CIROZ: variants seen among roughly 807,000 people sequenced by gnomAD.
CIROZ encodes ciliated left-right organizer ZP-N domains-containing protein.
chr1:10,964,217 C>G, the CIROZ span: 1 of 1,614,222 alleles, frequency 6.2e-7, no homozygotes. Context: ...TCACTCCGCT[C>G]CAACCCCATC....
chr1:10,951,745 A>AAAAAATATATATATATATATATATATAT, the CIROZ span, among the ~76,000 whole-genome samples: 13 of 119,176 alleles, frequency 1.1e-4, no homozygotes, highest in African/African-American at 4.6e-4. Context: ...AAAAAAAAAA[A>AAAAAATATATATATATATATATATATAT]ATATATATAT....
the CIROZ span, among the ~76,000 whole-genome samples, chr1:10,964,621 T>A: frequency 1.3e-5 from 2 of 152,206 alleles, no homozygotes; most frequent in South Asian, 4.1e-4. Flanking sequence ...CACCAGTGTC[T>A]CATAAGGCTG....
chr1:10,957,895 C>T, the CIROZ span: 11 of 944,252 alleles, frequency 1.2e-5, no homozygotes, highest in Non-Finnish European at 1.6e-5. Flanking sequence ...GGCAGGACGG[C>T]AGGCCACTCT....
chr1:10,956,759 G>A, the CIROZ span, among the ~76,000 whole-genome samples: 1 of 151,994 alleles, frequency 6.6e-6, no homozygotes, highest in African/African-American at 2.4e-5. Context: ...TTACAGGCGT[G>A]AGCCACCGCG....
the CIROZ span, chr1:10,955,180 A>G: frequency 2.5e-6 from 4 of 1,602,386 alleles, no homozygotes; most frequent in Non-Finnish European, 3.4e-6. Context: ...CTCTGGCTGG[A>G]ATGACACTGG....
the CIROZ span, among the ~76,000 whole-genome samples, chr1:10,970,804 C>CTT: frequency 2.2e-4 from 33 of 151,066 alleles, no homozygotes; most frequent in African/African-American, 7.8e-4. Context: ...AATCTAAACT[C>CTT]TATGTTTTAT....
chr1:10,968,927 C>T, the CIROZ span, among the ~76,000 whole-genome samples: 2 of 152,222 alleles, frequency 1.3e-5, no homozygotes, highest in Non-Finnish European at 2.9e-5. Flanking sequence ...GACTATTAAT[C>T]TATTGTTTTC....
the CIROZ span, chr1:10,949,551 G>T: frequency 6.6e-7 from 1 of 1,519,548 alleles, no homozygotes; most frequent in Non-Finnish European, 8.9e-7. Context: ...GGCCCAGCTG[G>T]GTCTACCGAT....
the CIROZ span, chr1:10,957,118 AG>A: frequency 2.8e-5 from 44 of 1,547,496 alleles, no homozygotes; most frequent in African/African-American, 5.2e-4. Flanking sequence ...CTGGGGAGGA[AG>A]GGGGGTCCCC....
At chr1:10,974,226 T>G in the CIROZ span, among the ~76,000 whole-genome samples, 1 of 152,022 alleles carries the variant, frequency 6.6e-6, no homozygotes, top group Non-Finnish European at 1.5e-5. This position sits in a 1 kb window ranked among gnomAD's most constrained non-coding sequence, Gnocchi z 4.4. Context: ...GGCTGGCCCA[T>G]AGCTGCCCAT....
At chr1:10,951,766 G>GCA in the CIROZ span, among the ~76,000 whole-genome samples, 4 of 124,494 alleles carry the variant, frequency 3.2e-5, no homozygotes, top group African/African-American at 6.6e-5. Flanking sequence ...ATATATATAT[G>GCA]CACACACACA....
chr1:10,952,224 G>A, the CIROZ span, among the ~76,000 whole-genome samples: 1 of 152,188 alleles, frequency 6.6e-6, no homozygotes, highest in Non-Finnish European at 1.5e-5. Flanking sequence ...AGCTGCTGGG[G>A]AGGTGCAGGG....
chr1:10,957,681 C>T, the CIROZ span: 1 of 1,614,188 alleles, frequency 6.2e-7, no homozygotes, highest in Non-Finnish European at 8.5e-7. Flanking sequence ...TTCATGTCCA[C>T]ATACAGTCCC....
chr1:10,964,014 C>T, the CIROZ span: 431 of 1,324,526 alleles, frequency 3.3e-4, 1 homozygote, highest in Non-Finnish European at 4.1e-4. Context: ...TACCACCTGT[C>T]TCCCTGGGCC....
the CIROZ span, chr1:10,949,569 G>A: frequency 6.4e-7 from 1 of 1,551,916 alleles, no homozygotes; most frequent in Middle Eastern, 2.3e-4. Context: ...GATACTTCTT[G>A]GGGACCAGAC....
chr1:10,973,202 G>A, the CIROZ span, among the ~76,000 whole-genome samples: 5 of 151,866 alleles, frequency 3.3e-5, no homozygotes, highest in Non-Finnish European at 4.4e-5. Context: ...GTGAAACCCC[G>A]TCTCTACTAA....
chr1:10,977,513 A>C, the CIROZ span, among the ~76,000 whole-genome samples: 34 of 152,286 alleles, frequency 2.2e-4, no homozygotes, highest in South Asian at 6.2e-4. Context: ...AAAATGATGA[A>C]TCTGTATTAA....
the CIROZ span, among the ~76,000 whole-genome samples, chr1:10,960,318 C>T: frequency 1.3e-5 from 2 of 152,124 alleles, no homozygotes; most frequent in African/African-American, 4.8e-5. This position sits in a 1 kb window ranked among gnomAD's most constrained non-coding sequence, Gnocchi z 4.6. Flanking sequence ...GCACGAGGTT[C>T]GCTTCAACCT....
chr1:10,980,854 C>G, the CIROZ span, among the ~76,000 whole-genome samples: 9 of 152,260 alleles, frequency 5.9e-5, no homozygotes, highest in South Asian at 1.4e-3. Flanking sequence ...GCTGAGCCCC[C>G]TCATGGGGCA....
Sources: gnomAD v4.1 joint callset for allele counts (sites outside exome capture counted in the v4.1 genomes callset) on GRCh38, gnomAD v4.1.1 for gene constraint, Gnocchi (gnomAD v3.1) non-coding constraint, MANE v1.5 for transcripts, NCBI Gene and HGNC (gene_info 2026-07-23, HGNC 2026-07-21) for gene names.